The following PACSIN1 variants were observed in gnomAD, a reference collection of about 807,000 sequenced individuals.
PACSIN1 encodes protein kinase C and casein kinase substrate in neurons 1.
PACSIN1 carries 15 observed loss-of-function variants against 59.5 expected under a neutral mutation model. The observed-to-expected ratio is 0.25, with a 90% CI of 0.17 to 0.39. The LOEUF is 0.39. PACSIN1 is among the 10% of genes least tolerant of loss of function. The pLI, the probability that PACSIN1 is intolerant of heterozygous loss-of-function variation, is 1.00. For synonymous variants in PACSIN1, 210 were observed against 220.6 expected (o/e 0.95, Z 0.42); for missense variants, 420 against 580.2 (o/e 0.72, Z 2.84).
intron 1 of PACSIN1, among the ~76,000 whole-genome samples, chr6:34,481,094 G>A (rs1032517575): frequency 6.6e-6 from 1 of 151,924 alleles, no homozygotes; most frequent in African/African-American, 2.4e-5. Flanking sequence ...TGCCCAGGCT[G>A]GAGTGCAGTG....
chr6:34,512,498 C>T (rs1350415165), intron 1 of PACSIN1, among the ~76,000 whole-genome samples: 2 of 152,174 alleles, frequency 1.3e-5, no homozygotes, highest in African/African-American at 4.8e-5. Flanking sequence ...CCCTGTCCCC[C>T]AGCTGAGGCC....
chr6:34,528,592 C>G (rs780225978), intron 3 of PACSIN1, 50 bp from the exon 4 acceptor site: 72 of 1,344,810 alleles, frequency 5.4e-5, no homozygotes, highest in Non-Finnish European at 7.0e-5. Context: ...TGAGGGGGGG[C>G]CTCTGGGCAG....
At chr6:34,492,813 G>A (rs1766897612) in intron 1 of PACSIN1, among the ~76,000 whole-genome samples, 1 of 152,254 alleles carries the variant, frequency 6.6e-6, no homozygotes, top group Non-Finnish European at 1.5e-5. Flanking sequence ...TGGACTTCTA[G>A]AGGAGGGAAG....
At chr6:34,491,180 A>G (rs947257237) in intron 1 of PACSIN1, among the ~76,000 whole-genome samples, 2 of 151,946 alleles carry the variant, frequency 1.3e-5, no homozygotes, top group African/African-American at 2.4e-5. Flanking sequence ...AGGAGGATCT[A>G]TTTGCTGCTA....
In PACSIN1 at chr6:34,499,732, G is replaced by T. The variant is rs60620428; in HGVS notation, c.-63-26511G>T. ...AATTGCTTGAACCCGGGAAGTGGAG[G>T]TTGCAGTGAGCTGAGACGGTGCCAC... On this transcript the variant is annotated intron_variant, in intron 1 of 9. Coordinates refer to ENST00000244458, the MANE Select transcript of PACSIN1 (RefSeq NM_020804.5). 5.3e-5 allele frequency among the ~76,000 whole-genome samples: 8 copies of T among 152,078 alleles called. No individual in the cohort carries two copies. The East Asian group carries it at 1.4e-3, about 26-fold the overall frequency.
intron 1 of PACSIN1, among the ~76,000 whole-genome samples, chr6:34,496,498 C>T (rs956545058): frequency 5.3e-5 from 8 of 152,216 alleles, no homozygotes; most frequent in African/African-American, 1.4e-4. Context: ...TGGATGGTAC[C>T]CCAGCTCCTT....
intron 1 of PACSIN1, among the ~76,000 whole-genome samples, chr6:34,511,849 G>A (rs931901951): frequency 4.6e-5 from 7 of 152,156 alleles, no homozygotes; most frequent in African/African-American, 1.7e-4. Context: ...GGGGAGAGGG[G>A]GCAATGAATG....
intron 1 of PACSIN1, among the ~76,000 whole-genome samples, chr6:34,511,730 T>C (rs562857854): frequency 1.3e-5 from 2 of 152,308 alleles, no homozygotes; most frequent in South Asian, 4.1e-4. Flanking sequence ...ATTCTGGCAT[T>C]TTGACAGTCA....
intron 1 of PACSIN1, among the ~76,000 whole-genome samples, chr6:34,523,092 C>A (rs1767423095): frequency 6.6e-6 from 1 of 152,222 alleles, no homozygotes; most frequent in Non-Finnish European, 1.5e-5. Flanking sequence ...TGAAATTAAT[C>A]ATCACACTGA....
chr6:34,509,225 G>A (rs866765788), intron 1 of PACSIN1, among the ~76,000 whole-genome samples: 12 of 152,188 alleles, frequency 7.9e-5, no homozygotes, highest in Middle Eastern at 3.4e-3. Context: ...TCATTCTTTT[G>A]CATGTAGAAA....
chr6:34,483,935 C>G (rs931540934), intron 1 of PACSIN1, among the ~76,000 whole-genome samples: 1 of 152,106 alleles, frequency 6.6e-6, no homozygotes, highest in African/African-American at 2.4e-5. Flanking sequence ...AGGTGTTAGC[C>G]ACCGCGCTCA....
In PACSIN1 at chr6:34,478,764, A is replaced by C. The variant is rs147520120; in HGVS notation, c.-64+12494A>C. Reference sequence around the variant, plus strand: ...TTCCTTTTTAAAAATATAAACATATATAAAATAGGTTGTACATTTGTCTTA... The same window carrying C: ...TTCCTTTTTAAAAATATAAACATATCTAAAATAGGTTGTACATTTGTCTTA... On this transcript the variant is annotated intron_variant, in intron 1 of 9. Transcript: ENST00000244458. Among the ~76,000 whole-genome samples the C allele has an allele frequency of 3.9e-4, 60 of 152,336 alleles. 1 individual carries two copies. In the East Asian group the frequency reaches 9.6e-3, roughly 24 times the overall value.
In PACSIN1 at chr6:34,518,915, G is replaced by T. The variant is rs1767339180; in HGVS notation, c.-63-7328G>T. On this transcript the variant is annotated intron_variant, in intron 1 of 9. Coordinates refer to ENST00000244458, the MANE Select transcript of PACSIN1 (RefSeq NM_020804.5). The surrounding 1 kb of genome is among the most constrained non-coding windows in gnomAD (Gnocchi z 4.4). ...TGCCCCACCTGAAACAGGCTTAGAG[G>T]CCCTCTAAAGATGTGGGCTGTGCAA... Among the ~76,000 whole-genome samples the T allele has an allele frequency of 2.0e-5, 3 of 152,238 alleles. No individual in the cohort carries two copies. The highest frequency in any genetic ancestry group is 6.5e-5 in the Admixed American group (1 of 15,290).
At chr6:34,502,105 G>A (rs1434482553) in intron 1 of PACSIN1, among the ~76,000 whole-genome samples, 1 of 151,150 alleles carries the variant, frequency 6.6e-6, no homozygotes, top group Non-Finnish European at 1.5e-5. Flanking sequence ...GTACATTGGT[G>A]TTTCTCACAC....
At chr6:34,498,952 G>A (rs1766986179) in intron 1 of PACSIN1, among the ~76,000 whole-genome samples, 1 of 152,036 alleles carries the variant, frequency 6.6e-6, no homozygotes. Context: ...ACAGACTGGG[G>A]TTGGGGGGTG....
intron 1 of PACSIN1, among the ~76,000 whole-genome samples, chr6:34,510,467 C>G (rs1412999436): frequency 6.6e-6 from 1 of 152,194 alleles, no homozygotes; most frequent in East Asian, 1.9e-4. Context: ...GCTCTACCTA[C>G]CATCCATTCA....
At chr6:34,500,542 G>T (rs1273392785) in intron 1 of PACSIN1, among the ~76,000 whole-genome samples, 1 of 152,192 alleles carries the variant, frequency 6.6e-6, no homozygotes, top group Non-Finnish European at 1.5e-5. Flanking sequence ...AGGCTTTGTT[G>T]TTCCATTTAC....
chr6:34,519,181 G>A (rs1297490801), intron 1 of PACSIN1, among the ~76,000 whole-genome samples: 1 of 152,206 alleles, frequency 6.6e-6, no homozygotes, highest in Admixed American at 6.5e-5. Flanking sequence ...CTCACAGGTG[G>A]GCCACCAAGG....
chr6:34,523,576 C>T (rs1396169314), intron 1 of PACSIN1, among the ~76,000 whole-genome samples: 1 of 152,224 alleles, frequency 6.6e-6, no homozygotes, highest in African/African-American at 2.4e-5. Flanking sequence ...GGCAGATGGG[C>T]CTGGTGCCCC....
Sources: allele counts gnomAD v4.1 joint callset (sites outside exome capture counted in the v4.1 genomes callset), GRCh38; gene constraint gnomAD v4.1.1; non-coding constraint Gnocchi (gnomAD v3.1); transcripts MANE v1.5; gene names NCBI Gene and HGNC (gene_info 2026-07-23, HGNC 2026-07-21).